GABRA2: variants seen among roughly 807,000 people sequenced by gnomAD.
The protein encoded by GABRA2 is gamma-aminobutyric acid type A receptor subunit alpha2.
Under a neutral mutation model 48.7 loss-of-function variants are expected in GABRA2, and 16 were observed. The ratio of observed to expected loss-of-function variants is 0.33; its 90% confidence interval spans 0.22 to 0.50. The LOEUF (loss-of-function observed/expected upper bound fraction) is 0.50. GABRA2 is among the 20% of genes least tolerant of loss of function. The pLI, the probability that GABRA2 is intolerant of heterozygous loss-of-function variation, is 0.98. For missense variants in GABRA2, 275 were observed against 535.6 expected (o/e 0.51, Z 4.80); for synonymous variants, 185 against 184.5 (o/e 1.00, Z -0.02).
intron 3 of GABRA2, among the ~76,000 whole-genome samples, chr4:46,373,898 C>T (rs1339741171): frequency 1.3e-5 from 2 of 152,120 alleles, no homozygotes; most frequent in African/African-American, 4.8e-5. Context: ...TTAAATCTAT[C>T]CTCCCATACT....
chr4:46,281,580 C>G (rs992776329), intron 8 of GABRA2, among the ~76,000 whole-genome samples: 2 of 152,104 alleles, frequency 1.3e-5, no homozygotes, highest in Non-Finnish European at 2.9e-5. Context: ...CTGTCAAAGG[C>G]CACTGATATG....
chr4:46,389,136 A>G (rs1342013709), intron 1 of GABRA2: 3 of 993,960 alleles, frequency 3.0e-6, no homozygotes, highest in Non-Finnish European at 3.6e-6. Context: ...AGAGATGGGT[A>G]CTTCACGCCA....
chr4:46,362,987 C>T (rs1035774412), intron 3 of GABRA2, among the ~76,000 whole-genome samples: 1 of 152,132 alleles, frequency 6.6e-6, no homozygotes, highest in African/African-American at 2.4e-5. Flanking sequence ...TAATTCAAAT[C>T]TTTCCTATTT....
intron 4 of GABRA2, among the ~76,000 whole-genome samples, chr4:46,322,033 G>A (rs1488378790): frequency 2.6e-5 from 4 of 151,974 alleles, no homozygotes; most frequent in Non-Finnish European, 4.4e-5. Context: ...ATTGCTAACA[G>A]AGAACTACCA....
chr4:46,265,714 C>T (rs1326781887), intron 8 of GABRA2, among the ~76,000 whole-genome samples: 1 of 151,056 alleles, frequency 6.6e-6, no homozygotes, highest in African/African-American at 2.4e-5. Flanking sequence ...TATTTTTCTT[C>T]CTCTTGCTTT....
Position 46,249,725 on chromosome 4 carries a change from G to A in GABRA2, c.*583C>T, listed in dbSNP as rs200417567. The A allele has an allele frequency of 6.6e-6, 1 of 151,372 alleles. No individual in the cohort carries two copies. The highest frequency in any genetic ancestry group is 1.5e-5 in the Non-Finnish European group (1 of 67,648). 9.4% of individuals were successfully genotyped at this position (151,372 alleles called of 1,614,324 possible). On this transcript the variant is annotated 3_prime_UTR_variant, in exon 10 of 10. Coordinates refer to ENST00000381620, the MANE Select transcript of GABRA2 (RefSeq NM_000807.4). ...TTCGGGCTGACTCATAATTATTTGAGCTTGTCATGCTGTAATATGTACATG... is the reference window on the plus strand; with the variant it reads ...TTCGGGCTGACTCATAATTATTTGAACTTGTCATGCTGTAATATGTACATG...
intron 6 of GABRA2, among the ~76,000 whole-genome samples, chr4:46,309,061 G>T (rs930790369): frequency 1.3e-5 from 2 of 152,010 alleles, no homozygotes; most frequent in African/African-American, 4.8e-5. Context: ...AAATAATGTT[G>T]GAAGAAATGC....
Position 46,247,304 on chromosome 4 carries a change from G to A in GABRA2, c.*3004C>T, listed in dbSNP as rs1713896803. On this transcript the variant is annotated 3_prime_UTR_variant, in exon 10 of 10. Coordinates refer to ENST00000381620, the MANE Select transcript of GABRA2 (RefSeq NM_000807.4). ...AAGAGAAAAACAGCCACCTATCCTA[G>A]CACACTAGTGGCATCATAGCTCATT... Among the ~76,000 whole-genome samples the A allele has an allele frequency of 6.6e-6, 1 of 151,014 alleles. No individual in the cohort carries two copies. Among genetic ancestry groups the A allele is most frequent in the African/African-American group, 2.4e-5 (1 of 41,284 alleles).
chr4:46,343,508 T>C lies in GABRA2; in HGVS notation c.188-10826A>G, dbSNP rs137857350. 6.1e-3 allele frequency among the ~76,000 whole-genome samples: 921 copies of C among 151,932 alleles called. 10 individuals are homozygous for C. Among genetic ancestry groups the C allele is most frequent in the African/African-American group, 0.021 (884 of 41,452 alleles). On this transcript the variant is annotated intron_variant, in intron 3 of 9. Coordinates refer to ENST00000381620, the MANE Select transcript of GABRA2 (RefSeq NM_000807.4). ...TAGGCCTAACCAGCATAGGGGAAAC[T>C]GCAGATTCAAAGATATTGATATAAA...
intron 3 of GABRA2, among the ~76,000 whole-genome samples, chr4:46,359,926 A>AC (rs936049888): frequency 9.2e-5 from 14 of 151,662 alleles, no homozygotes; most frequent in African/African-American, 2.7e-4. Flanking sequence ...CAAAAAACAA[A>AC]AAAAAAAAAG....
chr4:46,245,411 A>G lies in GABRA2; in HGVS notation c.*4897T>C, dbSNP rs1713536080. Among the ~76,000 whole-genome samples the G allele has an allele frequency of 6.6e-6, 1 of 151,346 alleles. No individual in the cohort carries two copies. Among genetic ancestry groups the G allele is most frequent in the African/African-American group, 2.4e-5 (1 of 41,362 alleles). ...CTATCTCATGAAGCAGAATTGCAAG[A>G]TCATTTTGAATTTAATCTTTTTTTA... On this transcript the variant is annotated 3_prime_UTR_variant, in exon 10 of 10. Transcript: ENST00000381620.
intron 3 of GABRA2, among the ~76,000 whole-genome samples, chr4:46,345,122 T>C (rs1733926493): frequency 1.3e-5 from 2 of 151,750 alleles, no homozygotes; most frequent in African/African-American, 4.8e-5. Context: ...AAGGGGCTCT[T>C]CCCCCTTCAC....
At chr4:46,382,034 G>A (rs750939135) in intron 3 of GABRA2, among the ~76,000 whole-genome samples, 6 of 151,994 alleles carry the variant, frequency 3.9e-5, no homozygotes, top group Non-Finnish European at 7.4e-5. Context: ...TGCCAGGCAC[G>A]GTTCTAGATG....
At chr4:46,369,189 T>G (rs776195449) in intron 3 of GABRA2, among the ~76,000 whole-genome samples, 9 of 152,120 alleles carry the variant, frequency 5.9e-5, no homozygotes, top group African/African-American at 1.7e-4. Context: ...TGACATACAC[T>G]GGATAGATCT....
intron 3 of GABRA2, among the ~76,000 whole-genome samples, chr4:46,360,447 G>T (rs546427193): frequency 2.0e-5 from 3 of 152,320 alleles, no homozygotes; most frequent in Non-Finnish European, 4.4e-5. Flanking sequence ...CCTGCCTGCT[G>T]CCATCCATGT....
intron 8 of GABRA2, among the ~76,000 whole-genome samples, chr4:46,290,046 G>C (rs920461753): frequency 1.4e-4 from 21 of 150,548 alleles, no homozygotes; most frequent in Non-Finnish European, 2.4e-4. Context: ...AGAGTAGCTG[G>C]GATTACAGGC....
chr4:46,288,290 A>G (rs192124451), intron 8 of GABRA2, among the ~76,000 whole-genome samples: 61 of 152,250 alleles, frequency 4.0e-4, no homozygotes, highest in African/African-American at 1.4e-3. Context: ...AATGTTAGTA[A>G]TTTTTGCACA....
At chr4:46,269,176 C>T (rs1718819520) in intron 8 of GABRA2, among the ~76,000 whole-genome samples, 1 of 151,794 alleles carries the variant, frequency 6.6e-6, no homozygotes, top group African/African-American at 2.4e-5. Context: ...ACTTCTATTT[C>T]ACTAAGAGAG....
chr4:46,274,367 A>C (rs1720080084), intron 8 of GABRA2, among the ~76,000 whole-genome samples: 1 of 152,098 alleles, frequency 6.6e-6, no homozygotes, highest in Admixed American at 6.6e-5. Flanking sequence ...TTTCAAAGAC[A>C]CTTATGTCTA....
Sources: allele counts gnomAD v4.1 joint callset (sites outside exome capture counted in the v4.1 genomes callset), GRCh38; gene constraint gnomAD v4.1.1; transcripts MANE v1.5; gene names NCBI Gene and HGNC (gene_info 2026-07-23, HGNC 2026-07-21).